SNTG2: variants seen among roughly 807,000 people sequenced by gnomAD.
SNTG2 encodes syntrophin gamma 2, also known as gamma-2-syntrophin.
SNTG2 carries 74 observed loss-of-function variants against 70.9 expected under a neutral mutation model. The observed-to-expected ratio is 1.04, with a 90% confidence interval of 0.86 to 1.27. The LOEUF is 1.27. Ranked by LOEUF, SNTG2 falls within the 50% of genes most tolerant of loss-of-function variation. The pLI, the probability that SNTG2 is intolerant of heterozygous loss-of-function variation, is 0.00. For missense variants in SNTG2, 717 were observed against 690.7 expected (o/e 1.04, Z -0.43); for synonymous variants, 278 against 273.8 (o/e 1.02, Z -0.15).
intron 14 of SNTG2, among the ~76,000 whole-genome samples, chr2:1,295,375 G>A (rs1444741525): frequency 6.6e-6 from 1 of 152,266 alleles, no homozygotes; most frequent in Non-Finnish European, 1.5e-5. Context: ...ACTTGTATAG[G>A]GAGAGTACCT....
At chr2:1,243,883 G>A (rs758940542) in intron 11 of SNTG2, among the ~76,000 whole-genome samples, 8 of 152,258 alleles carry the variant, frequency 5.3e-5, no homozygotes, top group South Asian at 2.1e-4. Flanking sequence ...AAAATTAGCC[G>A]GGCGTGGTGG....
intron 6 of SNTG2, among the ~76,000 whole-genome samples, chr2:1,152,150 A>G (rs2147809435): frequency 6.6e-6 from 1 of 152,344 alleles, no homozygotes; most frequent in Non-Finnish European, 1.5e-5. Context: ...TTAGATGGTT[A>G]CAGGCCAGGC....
At position 999,200 on chromosome 2, in the gene SNTG2, C is replaced by T. The variant is rs186326018; in HGVS notation, c.72+48132C>T. The stretch of plus-strand genomic sequence containing the variant: ...TAAAAGCATACAAAAGTAGAAAACT[C>T]ACAGGTCTTATAAAACAATTATGCA... On this transcript the variant is annotated intron_variant, in intron 1 of 16. Coordinates refer to ENST00000308624, the MANE Select transcript of SNTG2 (RefSeq NM_018968.4). Among the ~76,000 whole-genome samples the T allele has an allele frequency of 3.4e-3, 517 of 152,078 alleles. 4 individuals carry two copies. The highest frequency in any genetic ancestry group is 0.011 in the African/African-American group (454 of 41,504).
intron 1 of SNTG2, among the ~76,000 whole-genome samples, chr2:1,010,695 A>G (rs1351062660): frequency 2.0e-5 from 3 of 152,220 alleles, no homozygotes; most frequent in African/African-American, 7.2e-5. Flanking sequence ...AACGTGATTG[A>G]AAGCCTGTCC....
chr2:1,000,069 A>C (rs569743398), intron 1 of SNTG2, among the ~76,000 whole-genome samples: 1 of 152,052 alleles, frequency 6.6e-6, no homozygotes, highest in South Asian at 2.1e-4. Flanking sequence ...AAAATTTTTA[A>C]ATTTTCTTTA....
At chr2:951,535 G>A (rs916926308) in intron 1 of SNTG2, among the ~76,000 whole-genome samples, 6 of 152,228 alleles carry the variant, frequency 3.9e-5, no homozygotes, top group Non-Finnish European at 8.8e-5. Flanking sequence ...GCATGGCGCG[G>A]CCTCGGCAGG....
At chr2:1,168,217 C>G (rs538521457) in intron 7 of SNTG2, among the ~76,000 whole-genome samples, 1 of 104,780 alleles carries the variant, frequency 9.5e-6, no homozygotes, top group African/African-American at 3.1e-5. Flanking sequence ...CTGAAGCCTA[C>G]AGGCCGCCCA....
Position 1,293,086 on chromosome 2 carries a change from T to C in SNTG2, c.1285-15408T>C, listed in dbSNP as rs187256608. On this transcript the variant is annotated intron_variant, in intron 14 of 16. Coordinates refer to ENST00000308624, the MANE Select transcript of SNTG2 (RefSeq NM_018968.4). The stretch of plus-strand genomic sequence containing the variant: ...ATTTAGTTTTGATAAATTGTGTGTG[T>C]CACACGAATTTTTTCATTGAATCCA... Among the ~76,000 whole-genome samples the C allele has an allele frequency of 4.5e-3, 679 of 152,262 alleles. 7 individuals carry two copies. The highest frequency in any genetic ancestry group is 0.015 in the African/African-American group (637 of 41,568).
chr2:1,268,452 T>A (rs945975158), intron 14 of SNTG2, among the ~76,000 whole-genome samples: 1 of 152,344 alleles, frequency 6.6e-6, no homozygotes, highest in East Asian at 1.9e-4. Flanking sequence ...CTGTAACTAA[T>A]GCACACTGAG....
intron 8 of SNTG2, among the ~76,000 whole-genome samples, chr2:1,201,604 T>TA (rs1357516450): frequency 6.6e-6 from 1 of 151,872 alleles, no homozygotes; most frequent in African/African-American, 2.4e-5. Context: ...TCAAAATACC[T>TA]AGAAGAAAAT....
intron 8 of SNTG2, among the ~76,000 whole-genome samples, chr2:1,207,427 T>C (rs199990410): frequency 6.8e-6 from 1 of 146,800 alleles, no homozygotes; most frequent in African/African-American, 2.5e-5. Context: ...AGTTTTTTTT[T>C]CTGCCTTCAG....
At chr2:1,278,889 A>C (rs1383030637) in intron 14 of SNTG2, among the ~76,000 whole-genome samples, 3 of 100,014 alleles carry the variant, frequency 3.0e-5, no homozygotes, top group Non-Finnish European at 2.4e-5. Flanking sequence ...ACTGTGATGA[A>C]TCTCGTGCCA....
chr2:1,114,690 C>T (rs971912768), intron 4 of SNTG2, among the ~76,000 whole-genome samples: 16 of 150,966 alleles, frequency 1.1e-4, no homozygotes, highest in African/African-American at 3.2e-4. Flanking sequence ...TGAGAAGGAT[C>T]GTGTGTACTC....
intron 9 of SNTG2, among the ~76,000 whole-genome samples, chr2:1,216,968 G>T (rs1049143440): frequency 6.6e-6 from 1 of 152,106 alleles, no homozygotes; most frequent in Non-Finnish European, 1.5e-5. Flanking sequence ...GGCCAAGCTT[G>T]CTTCCCCTTC....
At chr2:1,336,420 A>G (rs1659818902) in intron 16 of SNTG2, among the ~76,000 whole-genome samples, 1 of 151,986 alleles carries the variant, frequency 6.6e-6, no homozygotes, top group African/African-American at 2.4e-5. Flanking sequence ...TAGTCACTTC[A>G]TTTTGTTTAT....
chr2:1,146,326 C>G (rs28787894), intron 6 of SNTG2, among the ~76,000 whole-genome samples: 55,930 of 151,918 alleles, frequency 0.37, 11,130 homozygotes, highest in East Asian at 0.83. Context: ...AAATAAATTA[C>G]TTAGGTGTAA....
chr2:1,307,320 G>C (rs1420736219), intron 14 of SNTG2, among the ~76,000 whole-genome samples: 1 of 149,686 alleles, frequency 6.7e-6, no homozygotes, highest in African/African-American at 2.5e-5. Context: ...CATTGTGTGT[G>C]TGTGTGTGTG....
chr2:1,060,484 G>A (rs896288950), intron 1 of SNTG2, among the ~76,000 whole-genome samples: 10 of 152,120 alleles, frequency 6.6e-5, no homozygotes, highest in African/African-American at 2.4e-4. Context: ...CCCAGCTCCC[G>A]GCTTTGGATT....
chr2:1,293,327 A>G (rs1469889854), intron 14 of SNTG2, among the ~76,000 whole-genome samples: 1 of 151,956 alleles, frequency 6.6e-6, no homozygotes, highest in Non-Finnish European at 1.5e-5. Context: ...TTGATTTTCT[A>G]TATTGTTTTT....
Sources: gnomAD v4.1 joint callset for allele counts (sites outside exome capture counted in the v4.1 genomes callset) on GRCh38, gnomAD v4.1.1 for gene constraint, MANE v1.5 for transcripts, NCBI Gene and HGNC (gene_info 2026-07-23, HGNC 2026-07-21) for gene names.